RBFOX1: variants seen among roughly 807,000 people sequenced by gnomAD.
RBFOX1 encodes RNA binding protein fox-1 homolog 1.
RBFOX1 carries 8 observed loss-of-function variants against 57.7 expected under a neutral mutation model. The observed-to-expected ratio is 0.14, with a 90% CI of 0.08 to 0.25. RBFOX1 has a LOEUF of 0.25. Ranked by LOEUF, RBFOX1 falls within the 10% of genes least tolerant of loss-of-function variation. RBFOX1 has a pLI of 1.00. For synonymous variants in RBFOX1, 326 were observed against 222.4 expected (o/e 1.47, Z -4.15); for missense variants, 611 against 548.5 (o/e 1.11, Z -1.14).
At chr16:5,716,423 A>C (rs190980861) in intron 3 of RBFOX1, among the ~76,000 whole-genome samples, 1 of 152,296 alleles carries the variant, frequency 6.6e-6, no homozygotes, top group Admixed American at 6.5e-5. Context: ...GACAGACCCC[A>C]GTGTCCATGT....
chr16:5,722,947 C>T (rs967069481), intron 3 of RBFOX1, among the ~76,000 whole-genome samples: 7 of 152,102 alleles, frequency 4.6e-5, no homozygotes, highest in African/African-American at 1.7e-4. Context: ...TTGGTGTTTC[C>T]TTCCTCATAA....
chr16:6,690,583 C>CT (rs1277653896), intron 3 of RBFOX1, among the ~76,000 whole-genome samples: 1 of 151,828 alleles, frequency 6.6e-6, no homozygotes. Flanking sequence ...GCAGGATGAT[C>CT]TTATGTATCA....
intron 3 of RBFOX1, among the ~76,000 whole-genome samples, chr16:6,758,648 C>T (rs1296827549): frequency 1.3e-5 from 2 of 152,156 alleles, no homozygotes; most frequent in Non-Finnish European, 2.9e-5. Flanking sequence ...TTTTAAAGCA[C>T]AGACTGTGTT....
intron 2 of RBFOX1, among the ~76,000 whole-genome samples, chr16:5,568,364 C>T (rs1412399392): frequency 6.6e-6 from 1 of 152,198 alleles, no homozygotes; most frequent in Non-Finnish European, 1.5e-5. Context: ...CCTCTTCCCT[C>T]CTTGCTTAAT....
chr16:6,852,038 G>C (rs905025685), intron 3 of RBFOX1, among the ~76,000 whole-genome samples: 7 of 151,082 alleles, frequency 4.6e-5, no homozygotes, highest in South Asian at 2.1e-4. Flanking sequence ...CCATTCTCCT[G>C]ACTCAGTCTC....
intron 4 of RBFOX1, among the ~76,000 whole-genome samples, chr16:5,944,859 A>G (rs35519414): frequency 0.25 from 36,645 of 144,164 alleles, 5,329 homozygotes; most frequent in Middle Eastern, 0.49. Context: ...CTCAGGAGGC[A>G]GAAGGCTGAG....
chr16:5,257,058 C>G (rs1225204395), intron 1 of RBFOX1, among the ~76,000 whole-genome samples: 3 of 152,110 alleles, frequency 2.0e-5, no homozygotes, highest in Admixed American at 6.5e-5. Context: ...GGAAACCAGA[C>G]CAGGACTCCA....
Position 7,617,734 on chromosome 16 carries a change from C to G in RBFOX1, c.676+10396C>G, listed in dbSNP as rs567235791. On this transcript the variant is annotated intron_variant, in intron 10 of 15. Coordinates refer to ENST00000550418, the MANE Select transcript of RBFOX1 (RefSeq NM_018723.4). ...AGGTGCCGAGGTACCAAAACAGACC[C>G]AGGCTTTCCCTCTAGAAGTCAACAG... Among the ~76,000 whole-genome samples, 16 of 152,266 alleles carry G rather than the reference C, an allele frequency of 1.1e-4. No individual in the cohort carries two copies. In the South Asian group the frequency reaches 2.9e-3, roughly 28 times the overall value.
chr16:6,971,950 T>A (rs937683052), intron 3 of RBFOX1, among the ~76,000 whole-genome samples: 1 of 152,018 alleles, frequency 6.6e-6, no homozygotes, highest in African/African-American at 2.4e-5. Flanking sequence ...TGCGGGAGAA[T>A]GTGAATGAGC....
At chr16:5,320,365 C>A (rs1372899708) in intron 1 of RBFOX1, among the ~76,000 whole-genome samples, 3 of 152,198 alleles carry the variant, frequency 2.0e-5, no homozygotes, top group Non-Finnish European at 4.4e-5. Context: ...GGTACTCCAG[C>A]ATTTGAGCAG....
intron 2 of RBFOX1, among the ~76,000 whole-genome samples, chr16:6,574,094 C>G (rs1378983323): frequency 6.6e-6 from 1 of 152,134 alleles, no homozygotes; most frequent in African/African-American, 2.4e-5. Context: ...TTCATTCAAG[C>G]GATGAGAGGG....
chr16:7,047,073 A>G (rs773820653), intron 3 of RBFOX1, among the ~76,000 whole-genome samples: 11 of 140,766 alleles, frequency 7.8e-5, no homozygotes, highest in Non-Finnish European at 1.7e-4. Flanking sequence ...GCTTTAAGCC[A>G]TTAAACATAT....
chr16:6,219,012 A>G (rs1481104477), intron 1 of RBFOX1, among the ~76,000 whole-genome samples: 1 of 152,248 alleles, frequency 6.6e-6, no homozygotes, highest in Non-Finnish European at 1.5e-5. Context: ...AGAGGCTGTT[A>G]GGTGACTCAG....
At chr16:5,644,425 T>C (rs1032860222) in intron 3 of RBFOX1, among the ~76,000 whole-genome samples, 4 of 152,164 alleles carry the variant, frequency 2.6e-5, no homozygotes, top group African/African-American at 7.2e-5. Flanking sequence ...ATTCTCTAAG[T>C]CTGTGTTAAA....
intron 3 of RBFOX1, among the ~76,000 whole-genome samples, chr16:5,667,685 C>T (rs1216389829): frequency 1.3e-5 from 2 of 152,140 alleles, no homozygotes; most frequent in Non-Finnish European, 2.9e-5. Flanking sequence ...TTTCATTTAT[C>T]CTTTCTAGTT....
chr16:5,757,831 G>A (rs1331081322), intron 3 of RBFOX1, among the ~76,000 whole-genome samples: 1 of 152,104 alleles, frequency 6.6e-6, no homozygotes, highest in Non-Finnish European at 1.5e-5. Flanking sequence ...TGATTTCTGG[G>A]CTCATGCTTC....
chr16:6,507,674 T>C (rs1409635343), intron 2 of RBFOX1, among the ~76,000 whole-genome samples: 1 of 152,070 alleles, frequency 6.6e-6, no homozygotes, highest in Non-Finnish European at 1.5e-5. Flanking sequence ...ATGTCCAACA[T>C]GGATGAACCT....
At chr16:5,921,556 G>C (rs540765305) in intron 4 of RBFOX1, among the ~76,000 whole-genome samples, 86 of 152,260 alleles carry the variant, frequency 5.6e-4, no homozygotes, top group African/African-American at 1.9e-3. Context: ...TAAGACTATT[G>C]ATAATAGCAA....
chr16:5,938,563 T>C (rs1016452897), intron 4 of RBFOX1, among the ~76,000 whole-genome samples: 1 of 152,186 alleles, frequency 6.6e-6, no homozygotes, highest in Non-Finnish European at 1.5e-5. Flanking sequence ...CACTAAGGTG[T>C]GGGGTCTGCT....
Sources: allele counts gnomAD v4.1 joint callset (sites outside exome capture counted in the v4.1 genomes callset), GRCh38; gene constraint gnomAD v4.1.1; transcripts MANE v1.5; gene names NCBI Gene and HGNC (gene_info 2026-07-23, HGNC 2026-07-21).